The following SLC24A3 variants were observed in gnomAD, a reference collection of about 807,000 sequenced individuals.
SLC24A3 encodes the protein sodium/potassium/calcium exchanger 3.
SLC24A3 carries 28 observed loss-of-function variants against 75.8 expected under a neutral mutation model. The observed-to-expected ratio is 0.37, with a 90% confidence interval of 0.27 to 0.51. The LOEUF (loss-of-function observed/expected upper bound fraction) is 0.51, where lower values mean the gene tolerates loss of function less well. SLC24A3 is among the 20% of genes least tolerant of loss of function. SLC24A3 has a pLI of 0.94. For missense variants in SLC24A3, 663 were observed against 847.8 expected, an observed-to-expected ratio of 0.78 and a Z score of 2.71; for synonymous variants, 372 against 334.1, an observed-to-expected ratio of 1.11 and a Z score of -1.24.
chr20:19,407,051 C>CTACA (rs1256652154), intron 2 of SLC24A3, among the ~76,000 whole-genome samples: 1 of 149,452 alleles, frequency 6.7e-6, no homozygotes, highest in Non-Finnish European at 1.5e-5. Flanking sequence ...CAGGTAGTTT[C>CTACA]TACCAATCTG....
chr20:19,660,602 C>CA (rs1244267125), intron 7 of SLC24A3, among the ~76,000 whole-genome samples: 2 of 152,124 alleles, frequency 1.3e-5, no homozygotes, highest in Non-Finnish European at 2.9e-5. Context: ...TAAACATACT[C>CA]ACGCAGGTGT....
At chr20:19,566,210 A>G (rs1429703191) in intron 3 of SLC24A3, among the ~76,000 whole-genome samples, 1 of 152,240 alleles carries the variant, frequency 6.6e-6, no homozygotes, top group Non-Finnish European at 1.5e-5. Flanking sequence ...CAGAGTGGCT[A>G]CTTAGTGTCC....
At chr20:19,614,138 C>T (rs532250029) in intron 6 of SLC24A3, among the ~76,000 whole-genome samples, 1 of 152,292 alleles carries the variant, frequency 6.6e-6, no homozygotes, top group East Asian at 1.9e-4. Context: ...TGATTAAGAG[C>T]TTGAGATTTA....
intron 12 of SLC24A3, among the ~76,000 whole-genome samples, chr20:19,685,628 C>G (rs1315432070): frequency 1.3e-5 from 2 of 152,178 alleles, no homozygotes; most frequent in Non-Finnish European, 2.9e-5. Context: ...GGGATTTGTT[C>G]TAGGTCCTGC....
At chr20:19,662,930 C>A (rs74929699) in intron 7 of SLC24A3, among the ~76,000 whole-genome samples, 1,542 of 152,318 alleles carry the variant, frequency 0.01, 27 homozygotes, top group African/African-American at 0.035. Flanking sequence ...GAACGTTCTG[C>A]AAACAGCGCC....
At position 19,654,174 on chromosome 20, in the gene SLC24A3, C is replaced by T. The variant is rs566493914; in HGVS notation, c.687+38C>T. Reference sequence around the variant, plus strand: ...GGCCATTTCAGCTCCCATCAGTGCTCTTTTAAGCACCAGGGGTGGTGTGAG... The same window carrying T: ...GGCCATTTCAGCTCCCATCAGTGCTTTTTTAAGCACCAGGGGTGGTGTGAG... On this transcript the variant is annotated intron_variant, in intron 7 of 16. Coordinates refer to ENST00000328041, the MANE Select transcript of SLC24A3 (RefSeq NM_020689.4). 17 of 1,590,768 alleles carry T rather than the reference C, an allele frequency of 1.1e-5. No individual in the cohort carries two copies. In the South Asian group the frequency reaches 1.7e-4, roughly 16 times the overall value.
chr20:19,602,308 T>C (rs1401003957), intron 6 of SLC24A3, among the ~76,000 whole-genome samples: 1 of 152,198 alleles, frequency 6.6e-6, no homozygotes. Context: ...AGTACTATCA[T>C]TGTCCCCATT....
At chr20:19,467,411 G>A (rs188570288) in intron 2 of SLC24A3, among the ~76,000 whole-genome samples, 79 of 152,256 alleles carry the variant, frequency 5.2e-4, no homozygotes, top group African/African-American at 1.4e-3. Context: ...GAATAGATTT[G>A]GGGGAAATTT....
intron 6 of SLC24A3, among the ~76,000 whole-genome samples, chr20:19,596,502 G>C (rs1371916271): frequency 6.6e-6 from 1 of 152,216 alleles, no homozygotes; most frequent in African/African-American, 2.4e-5. Flanking sequence ...AACACATTCT[G>C]AGGTTGACCG....
intron 3 of SLC24A3, among the ~76,000 whole-genome samples, chr20:19,539,015 G>A (rs922915536): frequency 6.6e-6 from 1 of 152,208 alleles, no homozygotes; most frequent in African/African-American, 2.4e-5. Flanking sequence ...AGTATGGGCT[G>A]TATGATCCCA....
intron 2 of SLC24A3, among the ~76,000 whole-genome samples, chr20:19,383,846 A>T (rs1986225299): frequency 1.3e-5 from 2 of 152,142 alleles, no homozygotes; most frequent in South Asian, 4.1e-4. Context: ...AAAGGCACTG[A>T]TTCCATCATG....
At chr20:19,476,421 A>G (rs2122513193) in intron 2 of SLC24A3, among the ~76,000 whole-genome samples, 1 of 152,332 alleles carries the variant, frequency 6.6e-6, no homozygotes, top group African/African-American at 2.4e-5. Context: ...AAGGTAACAT[A>G]GGAGAAAATT....
chr20:19,222,761 C>T lies in SLC24A3; in HGVS notation c.142+9777C>T, dbSNP rs1400567902. Among the ~76,000 whole-genome samples, 6 of 128,392 alleles carry T rather than the reference C, an allele frequency of 4.7e-5. 1 individual carries two copies. The East Asian group carries it at 1.3e-3, about 28-fold the overall frequency. The allele number at this position is 128,392 out of a possible 152,430, so 84.2% of individuals were successfully genotyped here. A position where few individuals can be genotyped will look rare whatever the true frequency, so the allele number is the denominator to read the frequency against. ...TTCCCTCCCTCCCTCCTTCTTCCTT[C>T]CCTCCTCCCCTTCCCCTCCCTCCCT... On this transcript the variant is annotated intron_variant, in intron 1 of 16. Coordinates refer to ENST00000328041, the MANE Select transcript of SLC24A3 (RefSeq NM_020689.4).
chr20:19,325,795 T>TATATAG (rs1251419875), intron 2 of SLC24A3, among the ~76,000 whole-genome samples: 213 of 67,790 alleles, frequency 3.1e-3, no homozygotes, highest in Non-Finnish European at 4.4e-3. Context: ...TATATATATA[T>TATATAG]AGAGAGAGAG....
intron 3 of SLC24A3, among the ~76,000 whole-genome samples, chr20:19,556,324 C>A (rs2030783432): frequency 6.6e-6 from 1 of 152,108 alleles, no homozygotes; most frequent in Non-Finnish European, 1.5e-5. Flanking sequence ...AAATTCTTTT[C>A]TTGCTAGCAA....
intron 3 of SLC24A3, among the ~76,000 whole-genome samples, chr20:19,552,855 T>G (rs1444210449): frequency 6.6e-6 from 1 of 152,088 alleles, no homozygotes; most frequent in Non-Finnish European, 1.5e-5. Context: ...GGTGACAGCC[T>G]ACATCTGTGT....
chr20:19,612,365 G>T (rs191743339), intron 6 of SLC24A3, among the ~76,000 whole-genome samples: 1 of 152,170 alleles, frequency 6.6e-6, no homozygotes, highest in African/African-American at 2.4e-5. Flanking sequence ...GGGCGAATAT[G>T]GTTGACAGTG....
intron 2 of SLC24A3, among the ~76,000 whole-genome samples, chr20:19,410,543 G>A (rs895507887): frequency 6.6e-6 from 1 of 152,024 alleles, no homozygotes; most frequent in African/African-American, 2.4e-5. Flanking sequence ...TGACAAAATG[G>A]CAGAACTGGA....
chr20:19,672,446 C>T (rs561136481), intron 8 of SLC24A3, among the ~76,000 whole-genome samples: 6 of 152,190 alleles, frequency 3.9e-5, no homozygotes, highest in African/African-American at 1.2e-4. Context: ...GCAATCCTCC[C>T]GCCTCAGCCT....
Sources: gnomAD v4.1 joint callset for allele counts (sites outside exome capture counted in the v4.1 genomes callset) on GRCh38, gnomAD v4.1.1 for gene constraint, MANE v1.5 for transcripts, NCBI Gene and HGNC (gene_info 2026-07-23, HGNC 2026-07-21) for gene names.